WRNIP1: variants seen among roughly 807,000 people sequenced by gnomAD.
WRNIP1 encodes the protein ATPase WRNIP1.
A neutral mutation model predicts 56.1 loss-of-function variants in WRNIP1; 41 were observed. The ratio of observed to expected loss-of-function variants is 0.73; its 90% CI spans 0.57 to 0.95. The LOEUF (loss-of-function observed/expected upper bound fraction) is 0.95. Ranked by LOEUF, WRNIP1 falls within the 40% of genes least tolerant of loss-of-function variation. The pLI, the probability that WRNIP1 is intolerant of heterozygous loss-of-function variation, is 0.00. For synonymous variants in WRNIP1, 547 were observed against 398.1 expected (o/e 1.37, Z -4.45); for missense variants, 1,170 against 939.4 (o/e 1.25, Z -3.21).
At chr6:2,778,376 T>C (rs1581140297) in intron 3 of WRNIP1, among the ~76,000 whole-genome samples, 2 of 152,348 alleles carry the variant, frequency 1.3e-5, no homozygotes, top group Admixed American at 1.3e-4. Context: ...AAGACCCCAC[T>C]AAGTTATGAA....
chr6:2,781,798 C>T (rs1398206836), intron 4 of WRNIP1, among the ~76,000 whole-genome samples: 1 of 152,312 alleles, frequency 6.6e-6, no homozygotes, highest in Non-Finnish European at 1.5e-5. Flanking sequence ...TTTTACAGTG[C>T]CTGCTCTGTG....
chr6:2,776,754 G>A (rs160698), intron 3 of WRNIP1, among the ~76,000 whole-genome samples: 3 of 152,092 alleles, frequency 2.0e-5, no homozygotes, highest in African/African-American at 7.2e-5. Flanking sequence ...TAAATACCAT[G>A]GTATATAAGG....
intron 4 of WRNIP1, among the ~76,000 whole-genome samples, chr6:2,782,734 T>C (rs1019667716): frequency 6.6e-6 from 1 of 152,194 alleles, no homozygotes; most frequent in Non-Finnish European, 1.5e-5. Flanking sequence ...TTAAAGCACA[T>C]TTCACTGATT....
intron 3 of WRNIP1, among the ~76,000 whole-genome samples, chr6:2,772,500 C>T (rs1366373290): frequency 1.3e-5 from 2 of 152,116 alleles, no homozygotes; most frequent in Non-Finnish European, 2.9e-5. Flanking sequence ...TCCTAGCTTT[C>T]GATATGAGAA....
At chr6:2,768,644 C>CT (rs1765136184) in intron 1 of WRNIP1, 47 bp from the exon 2 acceptor site, 1 of 1,523,584 alleles carries the variant, frequency 6.6e-7, no homozygotes, top group African/African-American at 1.4e-5. Context: ...GCTGGTCTCT[C>CT]TGTGTCTTAC....
intron 3 of WRNIP1, among the ~76,000 whole-genome samples, chr6:2,777,082 C>T (rs1192272797): frequency 6.7e-6 from 1 of 148,430 alleles, no homozygotes; most frequent in Non-Finnish European, 1.5e-5. Flanking sequence ...AAAGTCAGCA[C>T]TTGGCACAGT....
chr6:2,774,228 A>C (rs1315452359), intron 3 of WRNIP1: 1 of 985,332 alleles, frequency 1.0e-6, no homozygotes, highest in Non-Finnish European at 1.2e-6. Context: ...TAATGCCATA[A>C]AAGCACCAGC....
At chr6:2,781,452 T>G (rs1232596255) in intron 4 of WRNIP1, among the ~76,000 whole-genome samples, 1 of 152,242 alleles carries the variant, frequency 6.6e-6, no homozygotes, top group Non-Finnish European at 1.5e-5. Flanking sequence ...CAGGCTTTGC[T>G]CTATAAATAG....
chr6:2,774,674 C>A (rs1407006411), intron 3 of WRNIP1, among the ~76,000 whole-genome samples: 2 of 152,200 alleles, frequency 1.3e-5, no homozygotes, highest in African/African-American at 4.8e-5. Flanking sequence ...CTATTCAACC[C>A]ACTACAGACC....
chr6:2,783,066 G>A (rs1031447518), intron 4 of WRNIP1, among the ~76,000 whole-genome samples: 2 of 75,722 alleles, frequency 2.6e-5, no homozygotes, highest in Non-Finnish European at 5.9e-5. Context: ...GATAGAGCCA[G>A]AACAGAAGAC....
At chr6:2,782,745 T>C (rs899837461) in intron 4 of WRNIP1, among the ~76,000 whole-genome samples, 1 of 152,224 alleles carries the variant, frequency 6.6e-6, no homozygotes, top group Non-Finnish European at 1.5e-5. Context: ...TTCACTGATT[T>C]CATGTGAATC....
In WRNIP1 at chr6:2,783,577, G is replaced by C. The variant is rs755737881; in HGVS notation, c.1642+16G>C. On this transcript the variant is annotated intron_variant, in intron 5 of 6. Transcript: ENST00000380773. ...GAGGACATAGGTGAGTGTGATGGGA[G>C]GGTCCCGGAGTCCTATGTCCATGAG... 1.3e-6 allele frequency: 2 copies of C among 1,569,668 alleles called. No homozygotes were observed. Among genetic ancestry groups the C allele is most frequent in the South Asian group, 1.1e-5 (1 of 87,420 alleles).
intron 3 of WRNIP1, among the ~76,000 whole-genome samples, chr6:2,777,837 C>T (rs1305966114): frequency 2.6e-5 from 4 of 152,086 alleles, no homozygotes; most frequent in Admixed American, 2.0e-4. Flanking sequence ...AGAATGCTAC[C>T]ATCAGGAGAG....
At chr6:2,775,795 A>G (rs902764098) in intron 3 of WRNIP1, among the ~76,000 whole-genome samples, 21 of 152,390 alleles carry the variant, frequency 1.4e-4, no homozygotes, top group African/African-American at 5.0e-4. Flanking sequence ...AACTAGAAAT[A>G]GAATCTTTTC....
intron 1 of WRNIP1, 104 bp downstream of exon 1, chr6:2,766,548 T>A (rs1765004504): frequency 1.4e-6 from 2 of 1,407,766 alleles, no homozygotes; most frequent in Non-Finnish European, 1.9e-6. Context: ...GCCGCCTGCC[T>A]CTCCTGGATA....
intron 4 of WRNIP1, among the ~76,000 whole-genome samples, chr6:2,780,678 G>GA (rs1053362516): frequency 6.6e-6 from 1 of 152,022 alleles, no homozygotes; most frequent in Non-Finnish European, 1.5e-5. Flanking sequence ...TGGTCAAATA[G>GA]AAAAAATGTA....
chr6:2,781,662 C>T (rs971619871), intron 4 of WRNIP1, among the ~76,000 whole-genome samples: 2 of 152,232 alleles, frequency 1.3e-5, no homozygotes, highest in South Asian at 4.1e-4. Context: ...AACTCTCTGC[C>T]ATGCATTGAC....
intron 1 of WRNIP1, among the ~76,000 whole-genome samples, chr6:2,766,701 T>C (rs947430519): frequency 2.0e-4 from 31 of 152,164 alleles, no homozygotes; most frequent in African/African-American, 6.0e-4. Flanking sequence ...GAATCCATAG[T>C]TTTACAAGAT....
At position 2,785,087 on chromosome 6, in the gene WRNIP1, A is replaced by C; in HGVS notation, c.1803A>C (p.Lys601Asn). The change falls in exon 7 of 7, where the codon AAA becomes AAC. Residue 601 changes from lysine to asparagine, a missense_variant. Physicochemically the swap from Lys to Asn is moderately conservative, Grantham distance 94. Transcript: ENST00000380773. Reference sequence around the variant, plus strand: ...TGTACAGCGCCTACAACAACGTCAAAGCCTGCCTGAGGAACCACCAGGGGC... The same window carrying C: ...TGTACAGCGCCTACAACAACGTCAACGCCTGCCTGAGGAACCACCAGGGGC... ...IEVYSAYNNV[K>N]ACLRNHQGPL... is the part of the protein sequence containing the mutation. The C allele has an allele frequency of 6.2e-7, 1 of 1,614,200 alleles. No individual in the cohort carries two copies. The highest frequency in any genetic ancestry group is 8.5e-7 in the Non-Finnish European group (1 of 1,180,038).
Sources: allele counts gnomAD v4.1 joint callset (sites outside exome capture counted in the v4.1 genomes callset), GRCh38; gene constraint gnomAD v4.1.1; transcripts MANE v1.5; gene names NCBI Gene and HGNC (gene_info 2026-07-23, HGNC 2026-07-21).